The following SPAST variants were observed in gnomAD, a reference collection of about 807,000 sequenced individuals.
SPAST encodes the protein spastic paraplegia 4 (autosomal dominant; spastin).
A neutral mutation model predicts 76.6 loss-of-function variants in SPAST; 30 were observed. That is an observed-to-expected ratio of 0.39 (90% CI 0.29 to 0.53). SPAST has a LOEUF of 0.53. Among genes scored for constraint, SPAST ranks in the 20% least tolerant of loss-of-function variants. The pLI is 0.68. For synonymous variants in SPAST, 305 were observed against 281.0 expected (o/e 1.09, Z -0.86); for missense variants, 717 against 770.5 (o/e 0.93, Z 0.82).
intron 1 of SPAST, among the ~76,000 whole-genome samples, chr2:32,085,205 C>CTTTTTTTTTTTTTTTTT (rs11399879): frequency 3.3e-5 from 4 of 119,782 alleles, no homozygotes; most frequent in Non-Finnish European, 6.8e-5. Flanking sequence ...TCTTCTTCTT[C>CTTTTTTTTTTTTTTTTT]TTTTTTTTTT....
chr2:32,075,893 G>GGT (rs1558614620), intron 1 of SPAST, among the ~76,000 whole-genome samples: 1 of 70,052 alleles, frequency 1.4e-5, no homozygotes, highest in African/African-American at 5.9e-5. Context: ...AATTCAAAAT[G>GGT]CTCTTTTTTT....
chr2:32,157,454 C>G lies in SPAST; in HGVS notation c.*2958C>G, dbSNP rs1197797284. On this transcript the variant is annotated 3_prime_UTR_variant, in exon 17 of 17. Transcript: ENST00000315285. Reference sequence around the variant, plus strand: ...TTTATATTTTGTACAAAAACTAATTCTTTTGGTAAAATGAACCATTTACAG... The same window carrying G: ...TTTATATTTTGTACAAAAACTAATTGTTTTGGTAAAATGAACCATTTACAG... 4.6e-5 allele frequency: 7 copies of G among 152,494 alleles called. No individual in the cohort carries two copies. The highest frequency in any genetic ancestry group is 2.0e-4 in the Admixed American group (3 of 15,270). The allele number at this position is 152,494 out of a possible 1,614,324, so 9.4% of individuals were successfully genotyped here. A position where few individuals can be genotyped will look rare whatever the true frequency, so the allele number is the denominator to read the frequency against.
chr2:32,090,152 C>G (rs953596367), intron 3 of SPAST, among the ~76,000 whole-genome samples: 1 of 152,248 alleles, frequency 6.6e-6, no homozygotes, highest in African/African-American at 2.4e-5. Flanking sequence ...CAAGGGCTAG[C>G]AAACTGCAGC....
intron 1 of SPAST, among the ~76,000 whole-genome samples, chr2:32,083,750 C>CTTTTTTTT (rs1677344896): frequency 1.6e-5 from 1 of 62,870 alleles, no homozygotes; most frequent in African/African-American, 6.3e-5. Flanking sequence ...TTTATATATA[C>CTTTTTTTT]TATATATATA....
intron 4 of SPAST, among the ~76,000 whole-genome samples, chr2:32,099,173 C>A (rs1678027554): frequency 6.6e-6 from 1 of 151,990 alleles, no homozygotes; most frequent in African/African-American, 2.4e-5. Context: ...TTAAAATAAT[C>A]TTTTTTTCTG....
At chr2:32,100,468 T>TA (rs1295502808) in intron 4 of SPAST, among the ~76,000 whole-genome samples, 1 of 152,046 alleles carries the variant, frequency 6.6e-6, no homozygotes, top group Non-Finnish European at 1.5e-5. Context: ...TATATATATA[T>TA]TTTTAATTAC....
At chr2:32,083,205 C>T (rs779655556) in intron 1 of SPAST, among the ~76,000 whole-genome samples, 3 of 152,100 alleles carry the variant, frequency 2.0e-5, no homozygotes, top group Non-Finnish European at 4.4e-5. Context: ...CTCTTCCCTC[C>T]TTGGTCTCCC....
At chr2:32,144,477 A>C (rs948578326) in intron 14 of SPAST, among the ~76,000 whole-genome samples, 12 of 152,234 alleles carry the variant, frequency 7.9e-5, no homozygotes, top group Non-Finnish European at 1.6e-4. Flanking sequence ...TTTTCAGCAA[A>C]TGGGCCTTTC....
intron 4 of SPAST, among the ~76,000 whole-genome samples, chr2:32,110,673 T>A (rs553820697): frequency 7.2e-6 from 1 of 138,160 alleles, no homozygotes; most frequent in Non-Finnish European, 1.5e-5. Flanking sequence ...ATATAGTATA[T>A]ATAGTGTATA....
intron 4 of SPAST, among the ~76,000 whole-genome samples, chr2:32,109,366 C>G (rs1678445458): frequency 6.6e-6 from 1 of 152,082 alleles, no homozygotes; most frequent in Non-Finnish European, 1.5e-5. Flanking sequence ...GCCTCGGCCT[C>G]TCAAAGTGCT....
At chr2:32,093,310 C>CAAAAA (rs34291087) in intron 3 of SPAST, among the ~76,000 whole-genome samples, 1 of 62,166 alleles carries the variant, frequency 1.6e-5, no homozygotes, top group Non-Finnish European at 2.9e-5. Context: ...GACTCCGTCT[C>CAAAAA]AAAAAAAAAA....
chr2:32,093,797 G>A (rs1459055244), intron 3 of SPAST, among the ~76,000 whole-genome samples: 1 of 151,696 alleles, frequency 6.6e-6, no homozygotes, highest in Non-Finnish European at 1.5e-5. Flanking sequence ...ATAAATGAAT[G>A]TTAAATGAAG....
Position 32,089,610 on chromosome 2 carries a change from C to T in SPAST, c.586+5C>T. On this transcript the variant is annotated splice_donor_5th_base_variant and intron_variant, in intron 3 of 16. Transcript: ENST00000315285. ...AGGACCGCTTACAACTTCTAGGTAT[C>T]AATTAATGTATAATTTGATGTGGGA... is the stretch of plus-strand genomic sequence containing the variant. 1 of 1,459,062 alleles carries T rather than the reference C, an allele frequency of 6.9e-7. No homozygotes were observed. The highest frequency in any genetic ancestry group is 9.6e-7 in the Non-Finnish European group (1 of 1,038,672). 90.4% of individuals were successfully genotyped at this position (1,459,062 alleles called of 1,614,324 possible). A position where few individuals can be genotyped will look rare whatever the true frequency, so the allele number is the denominator to read the frequency against.
At chr2:32,081,781 C>CAAAAAAAAAAAAAAAAAAAAA (rs34078147) in intron 1 of SPAST, among the ~76,000 whole-genome samples, 5 of 44,386 alleles carry the variant, frequency 1.1e-4, no homozygotes, top group Non-Finnish European at 2.0e-4. Context: ...GAGACACTGT[C>CAAAAAAAAAAAAAAAAAAAAA]AAAAAAAAAA....
chr2:32,083,387 T>G (rs1677316298), intron 1 of SPAST, among the ~76,000 whole-genome samples: 1 of 152,060 alleles, frequency 6.6e-6, no homozygotes, highest in Admixed American at 6.6e-5. Context: ...TTTAATGTCA[T>G]AAGAAACTAC....
rs79059251 is a variant in SPAST, at chr2:32,087,339, C to T, written c.416-153C>T. On this transcript the variant is annotated intron_variant, in intron 1 of 16. Transcript: ENST00000315285. Reference sequence around the variant, plus strand: ...TCCCCATAATGGAGTTACATATACACATTACAATGATAAAAATACTAAGAA... The same window carrying T: ...TCCCCATAATGGAGTTACATATACATATTACAATGATAAAAATACTAAGAA... Among the ~76,000 whole-genome samples the T allele has an allele frequency of 4.2e-3, 639 of 152,210 alleles. 9 individuals carry two copies. Among genetic ancestry groups the T allele is most frequent in the African/African-American group, 0.015 (629 of 41,530 alleles).
At chr2:32,085,773 G>T (rs956755846) in intron 1 of SPAST, among the ~76,000 whole-genome samples, 3 of 151,856 alleles carry the variant, frequency 2.0e-5, no homozygotes, top group African/African-American at 7.3e-5. Flanking sequence ...GCGGTGGCTC[G>T]TGAGCGCCTG....
At position 32,063,638 on chromosome 2, in the gene SPAST, A is replaced by T; in HGVS notation, c.-194A>T. The T allele has an allele frequency of 1.5e-6, 1 of 649,724 alleles. No individual in the cohort carries two copies. The highest frequency in any genetic ancestry group is 2.0e-5 in the South Asian group (1 of 49,838). 40.2% of individuals were successfully genotyped at this position (649,724 alleles called of 1,614,324 possible). A position where few individuals can be genotyped will look rare whatever the true frequency, so the allele number is the denominator to read the frequency against. On this transcript the variant is annotated 5_prime_UTR_variant, in exon 1 of 17. Transcript: ENST00000315285. ...CCCGAGCCACCGACTGCAGGAGGAGAAGGGGTTGTGCTCCTGGCCGAGGAA... is the reference window on the plus strand; with the variant it reads ...CCCGAGCCACCGACTGCAGGAGGAGTAGGGGTTGTGCTCCTGGCCGAGGAA...
intron 1 of SPAST, chr2:32,077,852 T>C (rs1677027451): frequency 6.6e-6 from 1 of 152,230 alleles, no homozygotes; most frequent in Non-Finnish European, 1.5e-5. Context: ...AATAATGCAG[T>C]CCAGGTGCAG....
Sources: allele counts gnomAD v4.1 joint callset (sites outside exome capture counted in the v4.1 genomes callset), GRCh38; gene constraint gnomAD v4.1.1; transcripts MANE v1.5; gene names NCBI Gene and HGNC (gene_info 2026-07-23, HGNC 2026-07-21).